The following SIPA1L2 variants were observed in gnomAD, a reference collection of about 807,000 sequenced individuals.
The protein encoded by SIPA1L2 is signal induced proliferation associated 1 like 2.
A neutral mutation model predicts 163.9 loss-of-function variants in SIPA1L2; 56 were observed. The observed-to-expected ratio is 0.34, with a 90% confidence interval of 0.28 to 0.43. The LOEUF (loss-of-function observed/expected upper bound fraction) is 0.43. Ranked by LOEUF, SIPA1L2 falls within the 20% of genes least tolerant of loss-of-function variation. The pLI, the probability that SIPA1L2 is intolerant of heterozygous loss-of-function variation, is 1.00. For missense variants in SIPA1L2, 1,974 were observed against 2,193.5 expected (o/e 0.90, Z 2.00); for synonymous variants, 877 against 865.7 (o/e 1.01, Z -0.23).
chr1:232,500,424 C>T (rs1666408903), intron 3 of SIPA1L2, among the ~76,000 whole-genome samples: 1 of 152,162 alleles, frequency 6.6e-6, no homozygotes, highest in Non-Finnish European at 1.5e-5. Context: ...ATTCCAGATG[C>T]CATTAAGAAC....
intron 3 of SIPA1L2, among the ~76,000 whole-genome samples, chr1:232,503,632 T>C (rs1666587344): frequency 6.6e-6 from 1 of 152,244 alleles, no homozygotes; most frequent in African/African-American, 2.4e-5. Context: ...CTTTACTTTG[T>C]TAATATGCAC....
chr1:232,452,178 A>C (rs1364423900), intron 10 of SIPA1L2, among the ~76,000 whole-genome samples: 1 of 151,774 alleles, frequency 6.6e-6, no homozygotes, highest in African/African-American at 2.4e-5. Flanking sequence ...TAAAAGGGAC[A>C]CTCATTAACT....
chr1:232,403,340 C>T, intron 21 of SIPA1L2, 108 bp downstream of exon 21: 2 of 1,375,102 alleles, frequency 1.5e-6, no homozygotes, highest in Non-Finnish European at 2.0e-6. Context: ...TGGGAAAGGG[C>T]ATGGTGCAAT....
At chr1:232,620,803 G>A (rs1469169596) in intron 1 of SIPA1L2, among the ~76,000 whole-genome samples, 1 of 152,234 alleles carries the variant, frequency 6.6e-6, no homozygotes, top group Admixed American at 6.5e-5. Context: ...TTCAGTGAAT[G>A]TTCAAATTCT....
In SIPA1L2 at chr1:232,463,937, T is replaced by G. The variant is rs150235561; in HGVS notation, c.2820+903A>C. 4.7e-4 allele frequency among the ~76,000 whole-genome samples: 71 copies of G among 152,220 alleles called. 1 individual carries two copies. In the East Asian group the frequency reaches 0.012, roughly 25 times the overall value. On this transcript the variant is annotated intron_variant, in intron 9 of 22. Coordinates refer to ENST00000674635, the MANE Select transcript of SIPA1L2 (RefSeq NM_020808.5). ...TGATTTTACCTTCTCTTATACATGGTCTCTAATAACAAAAGGGAGGAAATA... is the reference window on the plus strand; with the variant it reads ...TGATTTTACCTTCTCTTATACATGGGCTCTAATAACAAAAGGGAGGAAATA...
chr1:232,547,036 T>C (rs1658071736), intron 2 of SIPA1L2, among the ~76,000 whole-genome samples: 1 of 152,014 alleles, frequency 6.6e-6, no homozygotes, highest in Non-Finnish European at 1.5e-5. Flanking sequence ...GCAAAAGAAA[T>C]CTCTGAAAGG....
intron 6 of SIPA1L2, among the ~76,000 whole-genome samples, chr1:232,483,057 A>G (rs987557439): frequency 2.0e-5 from 3 of 152,232 alleles, no homozygotes; most frequent in African/African-American, 7.2e-5. Context: ...CAGCACAAAG[A>G]TAAAATATAT....
In SIPA1L2 at chr1:232,465,169, T is replaced by C. The variant is rs751223235; in HGVS notation, c.2491A>G (p.Ile831Val). The C allele has an allele frequency of 5.6e-6, 9 of 1,614,104 alleles. No individual in the cohort carries two copies. In the African/African-American group the frequency reaches 9.3e-5, roughly 17 times the overall value. The part of the protein sequence containing the change: ...TVDTSVKFSF[I>V]TLGAKKKEKV... ...TCCTTTTTCTTCGCACCCAGCGTAATGAAGCTGAACTTCACAGAGGTATCC... is the reference window on the plus strand; with the variant it reads ...TCCTTTTTCTTCGCACCCAGCGTAACGAAGCTGAACTTCACAGAGGTATCC... Residue 831 changes from isoleucine (I) to valine (V), a missense_variant, in exon 9 of 23, where the codon ATT (isoleucine) becomes GTT (valine). Transcript: ENST00000674635. This position sits in a 1 kb window ranked among gnomAD's most constrained non-coding sequence, Gnocchi z 4.1.
chr1:232,629,881 G>A lies in SIPA1L2; in HGVS notation c.-331C>T, dbSNP rs1558315882. Among the ~76,000 whole-genome samples the A allele has an allele frequency of 6.6e-6, 1 of 151,742 alleles. No individual in the cohort carries two copies. The highest frequency in any genetic ancestry group is 2.1e-4 in the South Asian group (1 of 4,826). ...CCCCGACACGAACCTTCGCAACGCCGTCCGCCGGAACCTGCTACAGCCTGT... is the reference window on the plus strand; with the variant it reads ...CCCCGACACGAACCTTCGCAACGCCATCCGCCGGAACCTGCTACAGCCTGT... On this transcript the variant is annotated 5_prime_UTR_variant, in exon 1 of 23. The change creates a new upstream start codon in the 5' untranslated region. Coordinates refer to ENST00000674635, the MANE Select transcript of SIPA1L2 (RefSeq NM_020808.5).
intron 1 of SIPA1L2, among the ~76,000 whole-genome samples, chr1:232,589,101 G>A (rs1025618712): frequency 2.6e-5 from 4 of 152,148 alleles, no homozygotes; most frequent in Admixed American, 2.6e-4. Flanking sequence ...TTCCCTCAAG[G>A]AAACACAGGG....
At chr1:232,490,834 C>A (rs763217128) in intron 5 of SIPA1L2, 40 bp downstream of exon 5, 1 of 1,538,042 alleles carries the variant, frequency 6.5e-7, no homozygotes. Flanking sequence ...GAAACAGACA[C>A]AAATTCACAC....
intron 1 of SIPA1L2, among the ~76,000 whole-genome samples, chr1:232,595,132 C>T (rs572352041): frequency 6.6e-6 from 1 of 152,308 alleles, no homozygotes; most frequent in South Asian, 2.1e-4. Context: ...TTTTCAACTG[C>T]CCCTTCCCTT....
chr1:232,563,836 T>C (rs1659183616), intron 2 of SIPA1L2, among the ~76,000 whole-genome samples: 1 of 152,038 alleles, frequency 6.6e-6, no homozygotes, highest in African/African-American at 2.4e-5. Context: ...TGCCTCAGCC[T>C]CCTGAGTCAC....
At chr1:232,473,324 G>A (rs540199017) in intron 7 of SIPA1L2, among the ~76,000 whole-genome samples, 2 of 152,324 alleles carry the variant, frequency 1.3e-5, no homozygotes, top group African/African-American at 4.8e-5. Flanking sequence ...AGTTTATTCA[G>A]TGCCCTTGAA....
At chr1:232,622,171 A>C (rs1662843907) in intron 1 of SIPA1L2, among the ~76,000 whole-genome samples, 1 of 152,240 alleles carries the variant, frequency 6.6e-6, no homozygotes, top group Non-Finnish European at 1.5e-5. Flanking sequence ...TACCTTATAC[A>C]CAAATGTAAA....
At chr1:232,600,097 T>C (rs1369928600) in intron 1 of SIPA1L2, among the ~76,000 whole-genome samples, 3 of 152,240 alleles carry the variant, frequency 2.0e-5, no homozygotes, top group African/African-American at 7.2e-5. Flanking sequence ...GAACTGGCTC[T>C]GAAGGCAGGA....
At chr1:232,461,617 A>G (rs1044251798) in intron 9 of SIPA1L2, among the ~76,000 whole-genome samples, 2 of 152,226 alleles carry the variant, frequency 1.3e-5, no homozygotes, top group Non-Finnish European at 2.9e-5. Flanking sequence ...GTGGACCATT[A>G]CAAGTTTCAA....
At chr1:232,586,683 T>C (rs1660671851) in intron 1 of SIPA1L2, among the ~76,000 whole-genome samples, 1 of 152,250 alleles carries the variant, frequency 6.6e-6, no homozygotes, top group South Asian at 2.1e-4. Flanking sequence ...CTTTCTCTTC[T>C]AGAGCCACCC....
chr1:232,546,778 G>A (rs1289660878), intron 2 of SIPA1L2, among the ~76,000 whole-genome samples: 1 of 152,178 alleles, frequency 6.6e-6, no homozygotes, highest in African/African-American at 2.4e-5. Context: ...TGTTGACAGC[G>A]ATATAGTGAA....
Sources: gnomAD v4.1 joint callset for allele counts (sites outside exome capture counted in the v4.1 genomes callset) on GRCh38, gnomAD v4.1.1 for gene constraint, Gnocchi (gnomAD v3.1) non-coding constraint, MANE v1.5 for transcripts, NCBI Gene and HGNC (gene_info 2026-07-23, HGNC 2026-07-21) for gene names.